The following KLF10 variants were observed in gnomAD, a reference collection of about 807,000 sequenced individuals.
KLF10 encodes KLF transcription factor 10, also known as Krueppel-like factor 10.
A neutral mutation model predicts 31.6 loss-of-function variants in KLF10; 17 were observed. That is an observed-to-expected ratio of 0.54 (90% CI 0.37 to 0.81). KLF10 has a LOEUF of 0.81. KLF10 is among the 30% of genes least tolerant of loss of function. The pLI, the probability that KLF10 is intolerant of heterozygous loss-of-function variation, is 0.00. For synonymous variants in KLF10, 239 were observed against 215.1 expected (o/e 1.11, Z -0.97); for missense variants, 525 against 598.1 (o/e 0.88, Z 1.27).
chr8:102,653,859 G>C, intron 1 of KLF10: 1 of 959,800 alleles, frequency 1.0e-6, no homozygotes, highest in Non-Finnish European at 1.2e-6. Context: ...GGAAAGGGAA[G>C]CGCGGGCGGA....
intron 3 of KLF10, 123 bp from the exon 4 acceptor site, chr8:102,650,514 CA>C: frequency 1.0e-6 from 1 of 998,288 alleles, no homozygotes. Flanking sequence ...ATCAAACTGT[CA>C]AATGAATATG....
Position 102,652,038 on chromosome 8 carries a change from A to G in KLF10, c.294T>C (p.Pro98=). Residue 98 remains proline, a synonymous_variant, in exon 3 of 4, where the codon CCT becomes CCC. Coordinates refer to ENST00000285407, the MANE Select transcript of KLF10 (RefSeq NM_005655.4). ...PAFCLTPPYS[P]SDFEPSQVSN... ...ACACTTGAGAGGGTTCAAAGTCAGA[A>G]GGACTGTAAGGTGGAGTCAAACACT... The G allele has an allele frequency of 6.2e-7, 1 of 1,607,676 alleles. No individual in the cohort carries two copies. The highest frequency in any genetic ancestry group is 1.1e-5 in the South Asian group (1 of 90,094).
rs1827227328 is a variant in KLF10, at chr8:102,652,031, A to C, written c.301T>G (p.Phe101Val). The change falls in exon 3 of 4, where the codon TTT (phenylalanine) becomes GTT (valine). Residue 101 changes from phenylalanine (F) to valine (V), a missense_variant. Phe to Val is a conservative substitution (Grantham distance 50). Around this residue, in one of 3 missense-constraint regions of KLF10, gnomAD observed 434 missense variants for 450.7 expected, o/e 0.96. Coordinates refer to ENST00000285407, the MANE Select transcript of KLF10 (RefSeq NM_005655.4). ...CLTPPYSPSD[F>V]EPSQVSNLMA... ...AGATTTGACACTTGAGAGGGTTCAA[A>C]GTCAGAAGGACTGTAAGGTGGAGTC... 6.2e-7 allele frequency: 1 copy of C among 1,610,780 alleles called. No homozygotes were observed. The highest frequency in any genetic ancestry group is 1.7e-5 in the Admixed American group (1 of 59,332).
At chr8:102,652,471 T>TTG in intron 1 of KLF10, 74 bp from the exon 2 acceptor site, 1 of 125,314 alleles carries the variant, frequency 8.0e-6, no homozygotes, top group Non-Finnish European at 1.1e-5. Context: ...AATGAGCAAA[T>TTG]TTTTTTTTTT....
Position 102,651,496 on chromosome 8 carries a change from A to G in KLF10, c.836T>C (p.Leu279Pro). Residue 279 changes from leucine to proline, a missense_variant, in exon 3 of 4, where the codon CTT (leucine) becomes CCT (proline). This residue lies in a region of KLF10 where 434 missense variants were observed against 450.7 expected (regional missense o/e 0.96). Transcript: ENST00000285407. ...TGTCACAACAGGGTTGTTGGCAGGA[A>G]GGGGAACCATCTGGCAGATGACCGG... is the stretch of plus-strand genomic sequence containing the variant. ...PMPVICQMVPLPANNPVVTTV... is the reference protein window; with the variant it reads ...PMPVICQMVPPPANNPVVTTV... 1 of 1,613,888 alleles carries G rather than the reference A, an allele frequency of 6.2e-7. No individual in the cohort carries two copies. Among genetic ancestry groups the G allele is most frequent in the Non-Finnish European group, 8.5e-7 (1 of 1,179,854 alleles).
rs772180069 is a variant in KLF10 at position 102,651,795 on chromosome 8, G to A, written c.537C>T (p.Asn179=). The change falls in exon 3 of 4, where the codon AAC becomes AAT. Residue 179 remains asparagine (N), a synonymous_variant. Coordinates refer to ENST00000285407, the MANE Select transcript of KLF10 (RefSeq NM_005655.4). ...TTCTTCTAAAAGAATTGTTCTGATA[G>A]TTGAGGATGCTGGCTGCTTTCATTG... ...TCPMKAASIL[N]YQNNSFRRRT... 9.9e-6 allele frequency: 16 copies of A among 1,614,092 alleles called. No homozygotes were observed. Among genetic ancestry groups the A allele is most frequent in the Middle Eastern group, 1.6e-4 (1 of 6,084 alleles).
Position 102,652,256 on chromosome 8 carries a change from C to T in KLF10, c.178G>A (p.Val60Ile), listed in dbSNP as rs535965206. The T allele has an allele frequency of 9.9e-6, 16 of 1,613,400 alleles. No homozygotes were observed. Among genetic ancestry groups the T allele is most frequent in the East Asian group, 2.2e-5 (1 of 44,868 alleles). ...CSWKSDFKKY[V>I]ENRPVTPVSD... ...ACTGGTGTAACAGGTCTGTTTTCAACGTATTTCTTAAAATCAGACTTCCAA... is the reference window on the plus strand; with the variant it reads ...ACTGGTGTAACAGGTCTGTTTTCAATGTATTTCTTAAAATCAGACTTCCAA... Residue 60 changes from valine (V) to isoleucine (I), a missense_variant, in exon 2 of 4, where the codon GTT becomes ATT. Transcript: ENST00000285407.
At chr8:102,650,559 TG>T (rs1827182541) in intron 3 of KLF10, among the ~76,000 whole-genome samples, 168 bp from the exon 4 acceptor site, 1 of 152,214 alleles carries the variant, frequency 6.6e-6, no homozygotes, top group South Asian at 2.1e-4. Context: ...ACTTGTCACT[TG>T]ATCACATTTA....
At chr8:102,653,224 A>AT (rs1298313116) in intron 1 of KLF10, among the ~76,000 whole-genome samples, 1 of 152,252 alleles carries the variant, frequency 6.6e-6, no homozygotes, top group Non-Finnish European at 1.5e-5. Flanking sequence ...TTTGCCATAC[A>AT]TAACTACAAC....
chr8:102,648,975 A>G lies in KLF10; in HGVS notation c.*1157T>C, dbSNP rs1422714350. On this transcript the variant is annotated 3_prime_UTR_variant, in exon 4 of 4. Transcript: ENST00000285407. Reference sequence around the variant, plus strand: ...GGAAGATATAGTGACATTTTTCACTATATATTTTAAGCAATGTACTTTTGT... The same window carrying G: ...GGAAGATATAGTGACATTTTTCACTGTATATTTTAAGCAATGTACTTTTGT... 6.6e-6 allele frequency: 1 copy of G among 152,646 alleles called. No homozygotes were observed. Among genetic ancestry groups the G allele is most frequent in the Non-Finnish European group, 1.5e-5 (1 of 68,026 alleles). The allele number at this position is 152,646 out of a possible 1,614,324, so 9.5% of individuals were successfully genotyped here.
At chr8:102,653,639 T>G in intron 1 of KLF10, 1 of 1,328,458 alleles carries the variant, frequency 7.5e-7, no homozygotes, top group Non-Finnish European at 9.6e-7. Flanking sequence ...AAACGAGCCA[T>G]TGCTCTTGAA....
chr8:102,650,425 TA>T, intron 3 of KLF10, 34 bp from the exon 4 acceptor site: 2 of 1,591,554 alleles, frequency 1.3e-6, no homozygotes, highest in Non-Finnish European at 1.7e-6. Flanking sequence ...TTATTATGCA[TA>T]AGATTGCCGT....
At position 102,655,704 on chromosome 8, in the gene KLF10, C is replaced by T. The variant is rs1024383764; in HGVS notation, c.-103G>A. 3.7e-6 allele frequency: 5 copies of T among 1,366,276 alleles called. No individual in the cohort carries two copies. Among genetic ancestry groups the T allele is most frequent in the Non-Finnish European group, 5.1e-6 (5 of 976,832 alleles). 84.6% of individuals were successfully genotyped at this position (1,366,276 alleles called of 1,614,324 possible). ...AGACACTCGACGCCGCTCCCGCCGC[C>T]GCCGCGCTCAGCGCCGTCTGCCCCC... is the stretch of plus-strand genomic sequence containing the variant. On this transcript the variant is annotated 5_prime_UTR_variant, in exon 1 of 4. Coordinates refer to ENST00000285407, the MANE Select transcript of KLF10 (RefSeq NM_005655.4).
At chr8:102,654,791 G>A (rs1230863125) in intron 1 of KLF10, among the ~76,000 whole-genome samples, 3 of 132,762 alleles carry the variant, frequency 2.3e-5, no homozygotes, top group Non-Finnish European at 4.8e-5. Flanking sequence ...TCCCGCCCCA[G>A]CTGCTGGGTC....
At position 102,655,685 on chromosome 8, in the gene KLF10, T is replaced by TCGACGCCGCTCC; in HGVS notation, c.-96_-85dup. ...GCCACAGACGGGCGCACGGAGACACTCGACGCCGCTCCCGCCGCCGCCGCG... is the reference window on the plus strand; with the variant it reads ...GCCACAGACGGGCGCACGGAGACACTCGACGCCGCTCCCGACGCCGCTCCCGCCGCCGCCGCG... On this transcript the variant is annotated 5_prime_UTR_variant, in exon 1 of 4. Transcript: ENST00000285407. 6.7e-7 allele frequency: 1 copy of TCGACGCCGCTCC among 1,490,018 alleles called. No individual in the cohort carries two copies. Among genetic ancestry groups the TCGACGCCGCTCC allele is most frequent in the Non-Finnish European group, 9.2e-7 (1 of 1,082,756 alleles). The allele number at this position is 1,490,018 out of a possible 1,614,324, so 92.3% of individuals were successfully genotyped here.
chr8:102,651,946 T>A lies in KLF10; in HGVS notation c.386A>T (p.His129Leu), dbSNP rs141642441. The A allele has an allele frequency of 5.6e-5, 90 of 1,613,890 alleles. No individual in the cohort carries two copies. Among genetic ancestry groups the A allele is most frequent in the Non-Finnish European group, 6.6e-5 (78 of 1,180,036 alleles). ...TTCCTCTTTGAAAGGTGCGGCAATG[T>A]GAGGTTTGGCAGTATCTGAGAGTGA... ...FKSLSDTAKP[H>L]IAAPFKEEEK... The change falls in exon 3 of 4, where the codon CAC becomes CTC. Residue 129 changes from histidine (H) to leucine (L), a missense_variant. His to Leu is a moderately conservative substitution (Grantham distance 99). Coordinates refer to ENST00000285407, the MANE Select transcript of KLF10 (RefSeq NM_005655.4).
At chr8:102,650,608 G>T (rs940897208) in intron 3 of KLF10, among the ~76,000 whole-genome samples, 5 of 152,222 alleles carry the variant, frequency 3.3e-5, no homozygotes, top group African/African-American at 4.8e-5. Context: ...CAGCCGGGTG[G>T]AGTAGTAGGC....
At chr8:102,653,376 A>G (rs1827263016) in intron 1 of KLF10, 1 of 1,072,990 alleles carries the variant, frequency 9.3e-7, no homozygotes. Context: ...TGATGACAAA[A>G]TAACAGCACA....
rs758940745 is a variant in KLF10 at position 102,655,616 on chromosome 8, C to T, written c.-15G>A. On this transcript the variant is annotated 5_prime_UTR_variant, in exon 1 of 4. Transcript: ENST00000285407. Reference sequence around the variant, plus strand: ...AAGTTGAGCATGGTTGGCTGCTTGGCCGCCGGCGGCAAGCTGACTGGCTGC... The same window carrying T: ...AAGTTGAGCATGGTTGGCTGCTTGGTCGCCGGCGGCAAGCTGACTGGCTGC... The T allele has an allele frequency of 1.5e-5, 24 of 1,613,688 alleles. No homozygotes were observed. Among genetic ancestry groups the T allele is most frequent in the Non-Finnish European group, 1.7e-5 (20 of 1,179,872 alleles).
Sources: gnomAD v4.1 joint callset for allele counts (sites outside exome capture counted in the v4.1 genomes callset) on GRCh38, gnomAD v4.1.1 for gene constraint, gnomAD v4.1.1 regional missense constraint, MANE v1.5 for transcripts, NCBI Gene and HGNC (gene_info 2026-07-23, HGNC 2026-07-21) for gene names.